CHAT: variants seen among roughly 807,000 people sequenced by gnomAD.
CHAT encodes the protein acetyl CoA:choline O-acetyltransferase.
In CHAT, 61 loss-of-function variants were observed where a neutral mutation model predicts 76.9. That is an observed-to-expected ratio of 0.79 (90% confidence interval 0.65 to 0.98). The LOEUF (loss-of-function observed/expected upper bound fraction) is 0.98, where lower values mean the gene tolerates loss of function less well. CHAT is among the 50% of genes least tolerant of loss of function. The pLI is 0.00. For synonymous variants in CHAT, 407 were observed against 397.4 expected (o/e 1.02, Z -0.29); for missense variants, 946 against 986.9 (o/e 0.96, Z 0.56).
At chr10:49,632,997 C>T (rs974437325) in intron 7 of CHAT, among the ~76,000 whole-genome samples, 6 of 152,348 alleles carry the variant, frequency 3.9e-5, no homozygotes, top group African/African-American at 1.4e-4. Flanking sequence ...TACCAGTGTC[C>T]TCTGGGGGCC....
chr10:49,660,368 G>T (rs966786753), intron 13 of CHAT, among the ~76,000 whole-genome samples: 1 of 151,910 alleles, frequency 6.6e-6, no homozygotes, highest in Non-Finnish European at 1.5e-5. Flanking sequence ...CATGAACCCA[G>T]GAGGCAGAGG....
intron 10 of CHAT, among the ~76,000 whole-genome samples, chr10:49,651,090 C>G (rs1839861111): frequency 1.3e-5 from 2 of 151,946 alleles, no homozygotes; most frequent in African/African-American, 4.8e-5. Context: ...CTGAGGGGCC[C>G]ATACAAGTGG....
intron 5 of CHAT, among the ~76,000 whole-genome samples, chr10:49,624,369 G>GTCA (rs1158450801): frequency 6.6e-6 from 1 of 152,210 alleles, no homozygotes; most frequent in Non-Finnish European, 1.5e-5. Context: ...ATTACACCAA[G>GTCA]TCATGGGTCA....
intron 13 of CHAT, among the ~76,000 whole-genome samples, chr10:49,658,060 T>C (rs1840085152): frequency 6.6e-6 from 1 of 152,156 alleles, no homozygotes; most frequent in Non-Finnish European, 1.5e-5. Flanking sequence ...AACAAACATT[T>C]TTGCTAATTA....
chr10:49,620,630 C>A lies in CHAT; in HGVS notation c.698+17C>A, dbSNP rs369931818. ...CCAGCTGAGGTGAGGCCTTGGTGCT[C>A]CTAGCTCATAACCTGGGGACCCACC... On this transcript the variant is annotated intron_variant, in intron 4 of 14. Transcript: ENST00000337653. The A allele has an allele frequency of 6.3e-7, 1 of 1,587,434 alleles. No homozygotes were observed. The highest frequency in any genetic ancestry group is 1.3e-5 in the African/African-American group (1 of 74,470).
At chr10:49,648,269 G>A (rs1445793652) in intron 8 of CHAT, among the ~76,000 whole-genome samples, 1 of 152,164 alleles carries the variant, frequency 6.6e-6, no homozygotes, top group Admixed American at 6.5e-5. Context: ...GGAACTTGGG[G>A]CTCCACCTTC....
At chr10:49,611,254 G>C (rs769215684), upstream of CHAT, 5 of 1,613,054 alleles carry the variant, frequency 3.1e-6, no homozygotes, top group Non-Finnish European at 4.2e-6. Flanking sequence ...GTTCGCCTTC[G>C]CCGAGGACTA....
Position 49,662,487 on chromosome 10 carries a change from C to T in CHAT, c.1840-158C>T, listed in dbSNP as rs115028615. ...AGGCCGCATGGTAGAGCGGTCAGTCCTGAGCAGCCACTCATACACATTGTT... is the reference window on the plus strand; with the variant it reads ...AGGCCGCATGGTAGAGCGGTCAGTCTTGAGCAGCCACTCATACACATTGTT... On this transcript the variant is annotated intron_variant, in intron 13 of 14. Transcript: ENST00000337653. Among the ~76,000 whole-genome samples, 634 of 152,316 alleles carry T rather than the reference C, an allele frequency of 4.2e-3. 4 individuals carry two copies. The highest frequency in any genetic ancestry group is 0.015 in the African/African-American group (606 of 41,564).
Position 49,667,861 on chromosome 10 carries a change from G to A in CHAT, c.*2815G>A, listed in dbSNP as rs1840369070. Among the ~76,000 whole-genome samples the A allele has an allele frequency of 6.6e-6, 1 of 152,148 alleles. No homozygotes were observed. The highest frequency in any genetic ancestry group is 6.5e-5 in the Admixed American group (1 of 15,282). ...TTGAAGAAATATATGTAAGATTAAA[G>A]AACTGTATATTGTAAGCATTATATT... On this transcript the variant is annotated 3_prime_UTR_variant, in exon 15 of 15. Transcript: ENST00000337653.
intron 12 of CHAT, 65 bp downstream of exon 12, chr10:49,655,301 C>G: frequency 6.2e-7 from 1 of 1,613,408 alleles, no homozygotes; most frequent in South Asian, 1.1e-5. Context: ...CCCTGGGTTG[C>G]AGTGGGCTCG....
upstream of CHAT, chr10:49,612,081 C>T (rs764029191): frequency 6.2e-7 from 1 of 1,613,524 alleles, no homozygotes; most frequent in South Asian, 1.1e-5. Flanking sequence ...ACTCGCTGGG[C>T]TTTGAGCAGC....
upstream of CHAT, chr10:49,611,860 G>C (rs765432284): frequency 1.2e-6 from 2 of 1,605,948 alleles, no homozygotes; most frequent in Admixed American, 1.7e-5. Flanking sequence ...CTCGTGCATC[G>C]TGCCCGCCTG....
At chr10:49,614,928 G>A (rs1326179894) in intron 1 of CHAT, among the ~76,000 whole-genome samples, 1 of 152,248 alleles carries the variant, frequency 6.6e-6, no homozygotes, top group Admixed American at 6.5e-5. Flanking sequence ...CCAGACTGGG[G>A]TTGGACCTTC....
intron 14 of CHAT, among the ~76,000 whole-genome samples, chr10:49,663,524 G>A (rs1467607596): frequency 3.3e-5 from 5 of 152,164 alleles, no homozygotes; most frequent in Non-Finnish European, 7.4e-5. Flanking sequence ...AAAGGGCCAC[G>A]CAACCAACAG....
intron 13 of CHAT, among the ~76,000 whole-genome samples, chr10:49,655,947 A>G (rs1419250572): frequency 6.6e-6 from 1 of 152,198 alleles, no homozygotes; most frequent in Non-Finnish European, 1.5e-5. Context: ...TGCAAGGGAA[A>G]TGTTTCTCTA....
intron 8 of CHAT, 76 bp from the exon 9 acceptor site, chr10:49,648,431 G>A: frequency 9.1e-7 from 1 of 1,093,006 alleles, no homozygotes; most frequent in South Asian, 1.3e-5. Flanking sequence ...GAAGCCAGGG[G>A]CCTAACCTGG....
upstream of CHAT, chr10:49,611,476 T>C: frequency 6.3e-7 from 1 of 1,599,554 alleles, no homozygotes; most frequent in Non-Finnish European, 8.5e-7. Flanking sequence ...CGTGCCCTTC[T>C]TGGTGCTAGC....
chr10:49,623,276 C>G (rs893094586), intron 5 of CHAT, among the ~76,000 whole-genome samples: 1 of 147,652 alleles, frequency 6.8e-6, no homozygotes, highest in Non-Finnish European at 1.5e-5. Context: ...TGACTGCCCC[C>G]ACGAGACCAC....
chr10:49,612,731 C>T (rs1425696989), upstream of CHAT: 1 of 209,140 alleles, frequency 4.8e-6, no homozygotes, highest in South Asian at 1.6e-4. Context: ...GGCCGAGTCT[C>T]TTTACTGGTG....
Sources: allele counts gnomAD v4.1 joint callset (sites outside exome capture counted in the v4.1 genomes callset), GRCh38; gene constraint gnomAD v4.1.1; transcripts MANE v1.5; gene names NCBI Gene and HGNC (gene_info 2026-07-23, HGNC 2026-07-21).